SYN3: variants seen among roughly 807,000 people sequenced by gnomAD.
The protein encoded by SYN3 is synapsin III.
SYN3 carries 35 observed loss-of-function variants against 65.8 expected under a neutral mutation model. The observed-to-expected ratio is 0.53, with a 90% CI of 0.41 to 0.70. The LOEUF (loss-of-function observed/expected upper bound fraction) is 0.70, where lower values mean the gene tolerates loss of function less well. SYN3 is among the 30% of genes least tolerant of loss of function. The probability of loss-of-function intolerance (pLI) is 0.00; values close to 1 mark genes in which losing one functional copy is unlikely to be tolerated. For synonymous variants in SYN3, 270 were observed against 292.9 expected, an observed-to-expected ratio of 0.92 and a Z score of 0.80; for missense variants, 680 against 749.0, an observed-to-expected ratio of 0.91 and a Z score of 1.08.
chr22:32,544,254 T>C (rs1310208983), intron 7 of SYN3, among the ~76,000 whole-genome samples: 1 of 152,230 alleles, frequency 6.6e-6, no homozygotes, highest in Non-Finnish European at 1.5e-5. Flanking sequence ...ATGTGGGTCT[T>C]TGTTAAAGCA....
intron 6 of SYN3, among the ~76,000 whole-genome samples, chr22:32,797,764 C>G (rs1296779222): frequency 1.3e-5 from 2 of 152,136 alleles, no homozygotes; most frequent in African/African-American, 4.8e-5. Flanking sequence ...TGGGTACGTT[C>G]CCATGTGTCA....
At chr22:32,908,458 A>G (rs2049963613) in intron 4 of SYN3, among the ~76,000 whole-genome samples, 1 of 144,634 alleles carries the variant, frequency 6.9e-6, no homozygotes, top group Admixed American at 7.1e-5. Context: ...TGGTATGGTC[A>G]TAGCTCACTG....
At position 32,635,956 on chromosome 22, in the gene SYN3, A is replaced by T. The variant is rs112874316; in HGVS notation, c.712-39220T>A. ...CAGCTGCTCATTGGAACAAAACAAG[A>T]TTTTTTGAACTTGAAACTCTACATA... On this transcript the variant is annotated intron_variant, in intron 6 of 13. Transcript: ENST00000358763. Among the ~76,000 whole-genome samples, 15 of 152,302 alleles carry T rather than the reference A, an allele frequency of 9.8e-5. 1 individual carries two copies. The highest frequency in any genetic ancestry group is 3.6e-4 in the African/African-American group (15 of 41,562).
intron 6 of SYN3, among the ~76,000 whole-genome samples, chr22:32,601,475 C>T (rs1224000050): frequency 6.6e-6 from 1 of 152,216 alleles, no homozygotes; most frequent in African/African-American, 2.4e-5. Context: ...GACGGGGTTT[C>T]ACCGTGTTAG....
intron 1 of SYN3, among the ~76,000 whole-genome samples, chr22:33,050,309 C>T (rs969355651): frequency 7.2e-5 from 11 of 151,768 alleles, no homozygotes; most frequent in Non-Finnish European, 1.6e-4. Context: ...TATTGAAACC[C>T]CATCTCTACT....
At chr22:32,908,523 C>T (rs1233566395) in intron 4 of SYN3, among the ~76,000 whole-genome samples, 2 of 151,830 alleles carry the variant, frequency 1.3e-5, no homozygotes, top group Non-Finnish European at 2.9e-5. Flanking sequence ...TCCCAAGTAG[C>T]TGGAACTACA....
chr22:32,894,037 G>A (rs1184042459), intron 4 of SYN3, among the ~76,000 whole-genome samples: 2 of 152,114 alleles, frequency 1.3e-5, no homozygotes, highest in East Asian at 1.9e-4. Context: ...CAACTGGATC[G>A]AGTCTTGTTC....
At chr22:32,785,963 A>G (rs1383486921) in intron 6 of SYN3, among the ~76,000 whole-genome samples, 5 of 151,856 alleles carry the variant, frequency 3.3e-5, no homozygotes, top group Non-Finnish European at 5.9e-5. Context: ...GCCTGAGAAG[A>G]AGGAGAAATC....
At chr22:33,002,768 T>A (rs1467733168) in intron 2 of SYN3, among the ~76,000 whole-genome samples, 1 of 152,250 alleles carries the variant, frequency 6.6e-6, no homozygotes, top group Non-Finnish European at 1.5e-5. Flanking sequence ...TAACAGAGCA[T>A]CTGGCACATT....
At chr22:32,783,780 T>C (rs1254742768) in intron 6 of SYN3, among the ~76,000 whole-genome samples, 3 of 152,128 alleles carry the variant, frequency 2.0e-5, no homozygotes, top group South Asian at 2.1e-4. Flanking sequence ...CCTAGTGTCT[T>C]TTGGGGGAAA....
rs557368259 is a variant in SYN3 at position 32,882,179 on chromosome 22, G to A, written c.462-13054C>T. 3.9e-4 allele frequency among the ~76,000 whole-genome samples: 60 copies of A among 152,218 alleles called. 1 individual carries two copies. The South Asian group carries it at 0.012, about 30-fold the overall frequency. On this transcript the variant is annotated intron_variant, in intron 4 of 13. Coordinates refer to ENST00000358763, the MANE Select transcript of SYN3 (RefSeq NM_003490.4). ...CTGATGGTCTTCCCTGACAAGCTGC[G>A]GCTGCCTCTCCAGCCTCCTCCCCTG...
chr22:32,789,508 G>A lies in SYN3; in HGVS notation c.711+75407C>T, dbSNP rs148891551. Among the ~76,000 whole-genome samples, 369 of 152,192 alleles carry A rather than the reference G, an allele frequency of 2.4e-3. 4 individuals carry two copies. Among genetic ancestry groups the A allele is most frequent in the African/African-American group, 7.6e-3 (316 of 41,526 alleles). On this transcript the variant is annotated intron_variant, in intron 6 of 13. Coordinates refer to ENST00000358763, the MANE Select transcript of SYN3 (RefSeq NM_003490.4). The stretch of plus-strand genomic sequence containing the variant: ...GTCTGTCCAGGCACCAATTCAGGGC[G>A]CTTTCAGTTCTGGAATGACTTTACT...
At chr22:32,635,309 TC>T (rs2059800949) in intron 6 of SYN3, 1 of 152,218 alleles carries the variant, frequency 6.6e-6, no homozygotes, top group South Asian at 2.1e-4. Context: ...GTATCTATCT[TC>T]TCTCTTCTTT....
At chr22:33,002,528 C>T (rs974882635) in intron 2 of SYN3, among the ~76,000 whole-genome samples, 1 of 152,096 alleles carries the variant, frequency 6.6e-6, no homozygotes, top group African/African-American at 2.4e-5. Context: ...CCTGTAGTCC[C>T]AGCTACTTGG....
At chr22:32,639,483 G>A (rs1340247793) in intron 6 of SYN3, among the ~76,000 whole-genome samples, 1 of 152,116 alleles carries the variant, frequency 6.6e-6, no homozygotes, top group East Asian at 1.9e-4. Context: ...GTACCATACT[G>A]TTTTGGTTAC....
intron 6 of SYN3, among the ~76,000 whole-genome samples, chr22:32,703,405 A>C (rs1222474237): frequency 1.3e-5 from 2 of 152,126 alleles, no homozygotes; most frequent in Non-Finnish European, 2.9e-5. Context: ...TTTAGAGGCC[A>C]AGGCTGGCGG....
At chr22:32,757,297 T>G (rs1253110487) in intron 6 of SYN3, among the ~76,000 whole-genome samples, 1 of 18,686 alleles carries the variant, frequency 5.4e-5, no homozygotes, top group African/African-American at 3.3e-4. Flanking sequence ...CTCCTACCTT[T>G]TTTTTTTTTT....
At chr22:32,690,179 A>G (rs1402261552) in intron 6 of SYN3, among the ~76,000 whole-genome samples, 2 of 152,012 alleles carry the variant, frequency 1.3e-5, no homozygotes, top group African/African-American at 4.8e-5. Flanking sequence ...GTCTCAAAAA[A>G]AGGAAAAAGG....
intron 4 of SYN3, among the ~76,000 whole-genome samples, chr22:32,881,111 C>T (rs575371425): frequency 2.6e-4 from 39 of 151,544 alleles, no homozygotes; most frequent in African/African-American, 9.4e-4. Flanking sequence ...CAGGCTGCTG[C>T]TCGGGGAAGG....
Sources: allele counts gnomAD v4.1 joint callset (sites outside exome capture counted in the v4.1 genomes callset), GRCh38; gene constraint gnomAD v4.1.1; transcripts MANE v1.5; gene names NCBI Gene and HGNC (gene_info 2026-07-23, HGNC 2026-07-21).